CDKAL1: variants seen among roughly 807,000 people sequenced by gnomAD.
CDKAL1 encodes CDKAL1 threonylcarbamoyladenosine tRNA methylthiotransferase, also known as threonylcarbamoyladenosine tRNA methylthiotransferase.
Under a neutral mutation model 68.2 loss-of-function variants are expected in CDKAL1, and 32 were observed. The observed-to-expected ratio is 0.47, with a 90% CI of 0.35 to 0.63. CDKAL1 has a LOEUF of 0.63. Ranked by LOEUF, CDKAL1 falls within the 30% of genes least tolerant of loss-of-function variation. CDKAL1 has a pLI of 0.00. For missense variants in CDKAL1, 606 were observed against 696.7 expected (o/e 0.87, Z 1.47); for synonymous variants, 234 against 244.3 (o/e 0.96, Z 0.39).
chr6:21,181,138 C>T (rs1489323270), intron 13 of CDKAL1, among the ~76,000 whole-genome samples: 1 of 152,172 alleles, frequency 6.6e-6, no homozygotes, highest in Non-Finnish European at 1.5e-5. Context: ...TTTATAAAAA[C>T]CCACTGTCGA....
chr6:20,869,311 A>G (rs1293258338), intron 9 of CDKAL1, among the ~76,000 whole-genome samples: 1 of 152,216 alleles, frequency 6.6e-6, no homozygotes, highest in Non-Finnish European at 1.5e-5. Flanking sequence ...GTAGTTATTT[A>G]AATTAAAATA....
chr6:21,159,931 C>G (rs546682576), intron 13 of CDKAL1, among the ~76,000 whole-genome samples: 1 of 152,208 alleles, frequency 6.6e-6, no homozygotes, highest in Non-Finnish European at 1.5e-5. Flanking sequence ...GACTTCCTAG[C>G]TGCTCTTGAA....
chr6:21,174,534 T>C lies in CDKAL1; in HGVS notation c.1300-23487T>C, dbSNP rs140342077. 5.5e-3 allele frequency among the ~76,000 whole-genome samples: 835 copies of C among 152,238 alleles called. 7 individuals carry two copies. The highest frequency in any genetic ancestry group is 0.029 in the South Asian group (140 of 4,826). On this transcript the variant is annotated intron_variant, in intron 13 of 15. Coordinates refer to ENST00000274695, the MANE Select transcript of CDKAL1 (RefSeq NM_017774.3). ...ACACATGAAAAGAATTCCCTCTCAATAGCAATTAAGAAAACAAAAACTACA... is the reference window on the plus strand; with the variant it reads ...ACACATGAAAAGAATTCCCTCTCAACAGCAATTAAGAAAACAAAAACTACA...
chr6:21,068,119 C>T (rs1026257016), intron 12 of CDKAL1, among the ~76,000 whole-genome samples: 3 of 152,132 alleles, frequency 2.0e-5, no homozygotes, highest in African/African-American at 4.8e-5. Flanking sequence ...GGCTACAGCT[C>T]CTTGGCAGGT....
chr6:20,972,116 A>T (rs570419678), intron 10 of CDKAL1, among the ~76,000 whole-genome samples: 2 of 152,340 alleles, frequency 1.3e-5, no homozygotes, highest in Admixed American at 1.3e-4. Context: ...TGAGAAAGAA[A>T]CATTCTTTTG....
chr6:21,156,988 A>G (rs1001174575), intron 13 of CDKAL1, among the ~76,000 whole-genome samples: 1 of 152,174 alleles, frequency 6.6e-6, no homozygotes, highest in African/African-American at 2.4e-5. Context: ...TTGACTCTTC[A>G]TATGTGTTTA....
At chr6:20,756,075 T>G (rs1056482441) in intron 6 of CDKAL1, 2 of 152,172 alleles carry the variant, frequency 1.3e-5, no homozygotes, top group Non-Finnish European at 2.9e-5. Context: ...GAGTTGGCCC[T>G]TTTCTCACTC....
chr6:20,621,783 TTTGACCAC>T (rs1370384895), intron 4 of CDKAL1, among the ~76,000 whole-genome samples: 9 of 151,682 alleles, frequency 5.9e-5, no homozygotes, highest in Non-Finnish European at 7.4e-5. Flanking sequence ...TGTTTTTTTT[TTTGACCAC>T]TTTTTGGCAC....
chr6:20,675,656 T>C (rs992265857), intron 5 of CDKAL1, among the ~76,000 whole-genome samples: 1 of 152,182 alleles, frequency 6.6e-6, no homozygotes, highest in African/African-American at 2.4e-5. Flanking sequence ...GTGCTGCCAA[T>C]TGTGTAAAAG....
chr6:20,972,609 G>A (rs1765650443), intron 10 of CDKAL1, among the ~76,000 whole-genome samples: 1 of 152,176 alleles, frequency 6.6e-6, no homozygotes, highest in African/African-American at 2.4e-5. Flanking sequence ...GCCCATCTCT[G>A]TTAATTCCCT....
intron 9 of CDKAL1, among the ~76,000 whole-genome samples, chr6:20,907,547 C>G (rs773081217): frequency 1.4e-4 from 22 of 152,104 alleles, no homozygotes; most frequent in African/African-American, 3.4e-4. Flanking sequence ...ATAAAAAATA[C>G]TCCTAGGTAG....
intron 11 of CDKAL1, among the ~76,000 whole-genome samples, chr6:21,006,602 A>G (rs1767741750): frequency 1.3e-5 from 2 of 152,188 alleles, no homozygotes; most frequent in South Asian, 2.1e-4. Context: ...TAATGAATAC[A>G]TATATATCAT....
At chr6:20,619,795 T>G (rs984979724) in intron 4 of CDKAL1, among the ~76,000 whole-genome samples, 61 of 152,328 alleles carry the variant, frequency 4.0e-4, no homozygotes, top group African/African-American at 1.4e-3. Context: ...GAGGCACTTG[T>G]TTGTGAATTC....
chr6:21,150,230 C>A (rs1194929006), intron 13 of CDKAL1, among the ~76,000 whole-genome samples: 1 of 152,120 alleles, frequency 6.6e-6, no homozygotes, highest in Non-Finnish European at 1.5e-5. Flanking sequence ...GCAGGAGTTA[C>A]CAAACAGCAC....
intron 11 of CDKAL1, among the ~76,000 whole-genome samples, chr6:21,054,551 ATCT>A (rs1407043933): frequency 2.0e-5 from 3 of 152,200 alleles, no homozygotes; most frequent in Admixed American, 6.5e-5. Flanking sequence ...GAGGCTTGCC[ATCT>A]TAACAATGCT....
Position 20,905,669 on chromosome 6 carries a change from G to A in CDKAL1, c.743-49750G>A, listed in dbSNP as rs138687345. Among the ~76,000 whole-genome samples the A allele has an allele frequency of 7.5e-4, 114 of 152,154 alleles. 1 individual carries two copies. Among genetic ancestry groups the A allele is most frequent in the African/African-American group, 2.6e-3 (110 of 41,512 alleles). On this transcript the variant is annotated intron_variant, in intron 9 of 15. Transcript: ENST00000274695. ...ATCAAACTGTCGAAACAAAAAAGGAGTATCTTGAAAACGGCAAGAGAGAAG... is the reference window on the plus strand; with the variant it reads ...ATCAAACTGTCGAAACAAAAAAGGAATATCTTGAAAACGGCAAGAGAGAAG...
chr6:20,897,077 A>C (rs1761728429), intron 9 of CDKAL1, among the ~76,000 whole-genome samples: 1 of 152,130 alleles, frequency 6.6e-6, no homozygotes, highest in Non-Finnish European at 1.5e-5. Context: ...TCAGTATCTC[A>C]TGAAGGCACG....
chr6:20,928,106 A>G (rs1410040277), intron 9 of CDKAL1, among the ~76,000 whole-genome samples: 1 of 152,194 alleles, frequency 6.6e-6, no homozygotes, highest in African/African-American at 2.4e-5. Context: ...CAGGGAAACT[A>G]TGACTCTTGT....
intron 10 of CDKAL1, among the ~76,000 whole-genome samples, chr6:20,979,083 A>G (rs1765980629): frequency 6.6e-6 from 1 of 152,368 alleles, no homozygotes; most frequent in South Asian, 2.1e-4. Context: ...GTAAGAGTGT[A>G]ATCTTCAAGT....
Sources: gnomAD v4.1 joint callset for allele counts (sites outside exome capture counted in the v4.1 genomes callset) on GRCh38, gnomAD v4.1.1 for gene constraint, MANE v1.5 for transcripts, NCBI Gene and HGNC (gene_info 2026-07-23, HGNC 2026-07-21) for gene names.